The following GALNT2 variants were observed in gnomAD, a reference collection of about 807,000 sequenced individuals.
GALNT2 encodes the protein polypeptide N-acetylgalactosaminyltransferase 2.
In GALNT2, 31 loss-of-function variants were observed where a neutral mutation model predicts 81.4. That is an observed-to-expected ratio of 0.38 (90% confidence interval 0.29 to 0.51). The LOEUF is 0.51. Among genes scored for constraint, GALNT2 ranks in the 20% least tolerant of loss-of-function variants. GALNT2 has a pLI of 0.87. For missense variants in GALNT2, 629 were observed against 765.7 expected (o/e 0.82, Z 2.11); for synonymous variants, 303 against 287.4 (o/e 1.05, Z -0.55).
chr1:230,178,033 C>T (rs974786290), intron 1 of GALNT2, among the ~76,000 whole-genome samples, 185 bp from the exon 2 acceptor site: 1 of 152,102 alleles, frequency 6.6e-6, no homozygotes, highest in African/African-American at 2.4e-5. Flanking sequence ...ACTTTTCTCC[C>T]CTTGCATCTT....
At chr1:230,273,224 C>A (rs1160981359) in intron 14 of GALNT2, among the ~76,000 whole-genome samples, 2 of 152,216 alleles carry the variant, frequency 1.3e-5, no homozygotes, top group Non-Finnish European at 2.9e-5. Context: ...CTTCATAGCA[C>A]ATAATAGTGC....
chr1:230,200,297 C>T (rs757639494), intron 2 of GALNT2, among the ~76,000 whole-genome samples: 16 of 152,180 alleles, frequency 1.1e-4, no homozygotes, highest in South Asian at 4.2e-4. Flanking sequence ...CGCCTGGCCT[C>T]GTGATCCACC....
intron 3 of GALNT2, among the ~76,000 whole-genome samples, chr1:230,227,974 C>A (rs1295778002): frequency 6.6e-6 from 1 of 152,120 alleles, no homozygotes; most frequent in Admixed American, 6.5e-5. Context: ...AGAGAACCTG[C>A]AAACTGACTA....
intron 10 of GALNT2, among the ~76,000 whole-genome samples, chr1:230,254,801 A>G (rs1310608173): frequency 6.6e-6 from 1 of 152,190 alleles, no homozygotes; most frequent in Non-Finnish European, 1.5e-5. Flanking sequence ...AGCAAGTGCA[A>G]ATGATCGTGA....
At chr1:230,146,896 A>G (rs1291994052) in intron 1 of GALNT2, among the ~76,000 whole-genome samples, 1 of 152,088 alleles carries the variant, frequency 6.6e-6, no homozygotes, top group Non-Finnish European at 1.5e-5. Context: ...TGTATGCTGC[A>G]GTCCAGAGCT....
intron 1 of GALNT2, among the ~76,000 whole-genome samples, chr1:230,089,847 T>C (rs1660010688): frequency 6.6e-6 from 1 of 152,246 alleles, no homozygotes; most frequent in African/African-American, 2.4e-5. Flanking sequence ...TTCATCCTAC[T>C]GTGAACACAG....
chr1:230,242,811 G>A (rs564977291), intron 6 of GALNT2, among the ~76,000 whole-genome samples: 1 of 152,272 alleles, frequency 6.6e-6, no homozygotes, highest in African/African-American at 2.4e-5. Flanking sequence ...TGTGTAAAAG[G>A]CAGACAGCAG....
rs186222778 is a variant in GALNT2 at position 230,103,164 on chromosome 1, A to G, written c.126+35758A>G. On this transcript the variant is annotated intron_variant, in intron 1 of 15. Coordinates refer to ENST00000366672, the MANE Select transcript of GALNT2 (RefSeq NM_004481.5). Reference sequence around the variant, plus strand: ...AGGAAAACAGTTGCTAGAAGGAGCTATCTGCAGAAATAGACAGTTGTGGTC... The same window carrying G: ...AGGAAAACAGTTGCTAGAAGGAGCTGTCTGCAGAAATAGACAGTTGTGGTC... Among the ~76,000 whole-genome samples the G allele has an allele frequency of 3.9e-5, 6 of 152,340 alleles. No individual in the cohort carries two copies. In the East Asian group the frequency reaches 7.7e-4, roughly 20 times the overall value.
At chr1:230,140,648 T>C (rs889479719) in intron 1 of GALNT2, among the ~76,000 whole-genome samples, 1 of 152,236 alleles carries the variant, frequency 6.6e-6, no homozygotes, top group African/African-American at 2.4e-5. Flanking sequence ...AAACGTGTAT[T>C]ATGGTTTTAT....
chr1:230,063,256 A>G (rs572662097), upstream of GALNT2, among the ~76,000 whole-genome samples: 32 of 151,828 alleles, frequency 2.1e-4, no homozygotes, highest in African/African-American at 7.3e-4. Context: ...GGTTGCAGTG[A>G]GCCGAGATTG....
At chr1:230,184,260 C>G (rs1334089091) in intron 2 of GALNT2, among the ~76,000 whole-genome samples, 1 of 151,286 alleles carries the variant, frequency 6.6e-6, no homozygotes, top group African/African-American at 2.4e-5. Context: ...GCTATCTCAG[C>G]TCACTGCAAG....
intron 9 of GALNT2, among the ~76,000 whole-genome samples, chr1:230,249,849 A>G (rs768953163): frequency 3.3e-5 from 5 of 152,236 alleles, no homozygotes; most frequent in Non-Finnish European, 5.9e-5. Flanking sequence ...CATTTAGCCA[A>G]CATCTGCAGT....
At chr1:230,128,257 A>AGTGTG (rs1553258995) in intron 1 of GALNT2, among the ~76,000 whole-genome samples, 1 of 149,760 alleles carries the variant, frequency 6.7e-6, no homozygotes, top group African/African-American at 2.5e-5. Context: ...GCGCTGGAGA[A>AGTGTG]TGTGTGTGTG....
intron 14 of GALNT2, among the ~76,000 whole-genome samples, chr1:230,266,989 GACACACACAC>G (rs35956776): frequency 3.4e-5 from 5 of 146,678 alleles, no homozygotes; most frequent in African/African-American, 5.1e-5. Flanking sequence ...GCACGTGTGT[GACACACACAC>G]ACACACACAC....
At chr1:230,068,055 C>A (rs185967959) in intron 1 of GALNT2, among the ~76,000 whole-genome samples, 2 of 152,358 alleles carry the variant, frequency 1.3e-5, no homozygotes, top group East Asian at 3.9e-4. Context: ...GCGGCCCCAG[C>A]GTTACCCTCT....
At chr1:230,163,940 G>A (rs1323673628) in intron 1 of GALNT2, among the ~76,000 whole-genome samples, 2 of 152,210 alleles carry the variant, frequency 1.3e-5, no homozygotes, top group Non-Finnish European at 2.9e-5. Flanking sequence ...GGTGGTGGAT[G>A]GAGCCTGGAC....
chr1:230,168,547 C>T (rs1662686459), intron 1 of GALNT2, among the ~76,000 whole-genome samples: 1 of 152,114 alleles, frequency 6.6e-6, no homozygotes, highest in African/African-American at 2.4e-5. Flanking sequence ...AAGAGGGAGG[C>T]AAGAGGGCTT....
intron 1 of GALNT2, among the ~76,000 whole-genome samples, chr1:230,109,548 C>A (rs1295278617): frequency 6.6e-6 from 1 of 152,150 alleles, no homozygotes; most frequent in African/African-American, 2.4e-5. Context: ...ACACTGTTGG[C>A]TGGGCGCAGT....
intron 1 of GALNT2, among the ~76,000 whole-genome samples, chr1:230,069,564 G>A (rs58215925): frequency 0.013 from 1,915 of 152,214 alleles, 44 homozygotes; most frequent in African/African-American, 0.044. Context: ...GCCTTAAGAT[G>A]GTTTCTGAAG....
Sources: allele counts gnomAD v4.1 joint callset (sites outside exome capture counted in the v4.1 genomes callset), GRCh38; gene constraint gnomAD v4.1.1; transcripts MANE v1.5; gene names NCBI Gene and HGNC (gene_info 2026-07-23, HGNC 2026-07-21).